The following PPM1E variants were observed in gnomAD, a reference collection of about 807,000 sequenced individuals.
PPM1E encodes the protein protein phosphatase 1E.
In PPM1E, 20 loss-of-function variants were observed where a neutral mutation model predicts 65.9. That is an observed-to-expected ratio of 0.30 (90% CI 0.21 to 0.44). The LOEUF (loss-of-function observed/expected upper bound fraction) is 0.44. PPM1E is among the 20% of genes least tolerant of loss of function. PPM1E has a pLI of 1.00. For missense variants in PPM1E, 713 were observed against 953.1 expected, an observed-to-expected ratio of 0.75 and a Z score of 3.32; for synonymous variants, 352 against 374.9, an observed-to-expected ratio of 0.94 and a Z score of 0.70.
intron 1 of PPM1E, among the ~76,000 whole-genome samples, chr17:58,926,179 A>G (rs1009247868): frequency 3.3e-5 from 5 of 152,006 alleles, no homozygotes; most frequent in Non-Finnish European, 5.9e-5. Flanking sequence ...TGTCTCTACT[A>G]AAAATACAAA....
chr17:58,781,330 G>A lies in PPM1E; in HGVS notation c.464+24869G>A, dbSNP rs144857696. ...TAATTTTTGTATTTCTAGTAGAGAC[G>A]GGGTTTTGCCACATTGGCCAAGCTG... On this transcript the variant is annotated intron_variant, in intron 1 of 6. Transcript: ENST00000308249. 3.2e-4 allele frequency among the ~76,000 whole-genome samples: 49 copies of A among 151,678 alleles called. 3 individuals carry two copies. In the East Asian group the frequency reaches 8.6e-3, roughly 27 times the overall value.
At chr17:58,816,322 C>A (rs1387014699) in intron 1 of PPM1E, among the ~76,000 whole-genome samples, 1 of 151,990 alleles carries the variant, frequency 6.6e-6, no homozygotes, top group Non-Finnish European at 1.5e-5. Context: ...CTACACCCAG[C>A]CTGTATGTAA....
intron 1 of PPM1E, among the ~76,000 whole-genome samples, chr17:58,852,857 C>T (rs529867326): frequency 6.6e-6 from 1 of 152,274 alleles, no homozygotes; most frequent in South Asian, 2.1e-4. Flanking sequence ...CTACCTTGGC[C>T]TTCCAAAGTG....
At chr17:58,955,323 C>T (rs2029868787) in intron 1 of PPM1E, among the ~76,000 whole-genome samples, 1 of 152,166 alleles carries the variant, frequency 6.6e-6, no homozygotes, top group Admixed American at 6.5e-5. Context: ...CCAAATCACG[C>T]CATTGCACTC....
At chr17:58,765,958 G>T (rs1235940669) in intron 1 of PPM1E, among the ~76,000 whole-genome samples, 1 of 146,646 alleles carries the variant, frequency 6.8e-6, no homozygotes, top group Non-Finnish European at 1.5e-5. Flanking sequence ...TCGGCGCACT[G>T]CAACCTCCGC....
At chr17:58,962,343 A>G (rs560738079) in intron 2 of PPM1E, among the ~76,000 whole-genome samples, 3 of 152,242 alleles carry the variant, frequency 2.0e-5, no homozygotes, top group Non-Finnish European at 4.4e-5. Context: ...GTACTTGACA[A>G]TGCAGATCTA....
chr17:58,781,157 T>C (rs1434059192), intron 1 of PPM1E, among the ~76,000 whole-genome samples: 1 of 150,692 alleles, frequency 6.6e-6, no homozygotes, highest in Non-Finnish European at 1.5e-5. Context: ...TTTTTTTTTT[T>C]TGAAACGGAG....
intron 1 of PPM1E, among the ~76,000 whole-genome samples, chr17:58,891,545 G>A (rs146697387): frequency 6.6e-4 from 100 of 151,244 alleles, no homozygotes; most frequent in Middle Eastern, 3.4e-3. Context: ...GGCTGGTCTC[G>A]AACTCCTGAC....
chr17:58,854,487 T>G (rs2050861148), intron 1 of PPM1E, among the ~76,000 whole-genome samples: 1 of 152,244 alleles, frequency 6.6e-6, no homozygotes, highest in Non-Finnish European at 1.5e-5. Context: ...GCCTTGTTCC[T>G]GATCTTAGAG....
In PPM1E at chr17:58,972,031, T is replaced by C. The variant is rs976322037; in HGVS notation, c.973-101T>C. 7 of 1,126,066 alleles carry C rather than the reference T, an allele frequency of 6.2e-6. No individual in the cohort carries two copies. In the African/African-American group the frequency reaches 1.1e-4, roughly 18 times the overall value. The allele number at this position is 1,126,066 out of a possible 1,614,324, so 69.8% of individuals were successfully genotyped here. The stretch of plus-strand genomic sequence containing the variant: ...ATGTGTGAAATTCCATTATTAATAG[T>C]ATAGCTCCCAGCTGAAAAGCTTAAT... On this transcript the variant is annotated intron_variant, in intron 4 of 6. Transcript: ENST00000308249.
chr17:58,921,534 A>G (rs2051750474), intron 1 of PPM1E, among the ~76,000 whole-genome samples: 1 of 151,648 alleles, frequency 6.6e-6, no homozygotes, highest in African/African-American at 2.4e-5. Flanking sequence ...CAAACAAACA[A>G]ACAAACAAAA....
chr17:58,875,010 G>T (rs149143417), intron 1 of PPM1E, among the ~76,000 whole-genome samples: 1 of 151,920 alleles, frequency 6.6e-6, no homozygotes, highest in Non-Finnish European at 1.5e-5. Flanking sequence ...CATGAATTTG[G>T]TGTGTGTCCT....
chr17:58,945,181 G>A (rs1013273366), intron 1 of PPM1E, among the ~76,000 whole-genome samples: 1 of 145,800 alleles, frequency 6.9e-6, no homozygotes, highest in African/African-American at 2.6e-5. Flanking sequence ...GTCTCACTCT[G>A]TCATACAGAC....
intron 1 of PPM1E, among the ~76,000 whole-genome samples, chr17:58,912,808 A>G (rs577168195): frequency 6.6e-6 from 1 of 152,278 alleles, no homozygotes; most frequent in African/African-American, 2.4e-5. Flanking sequence ...GGAAAGGGAG[A>G]GGAGCTGAAG....
intron 1 of PPM1E, among the ~76,000 whole-genome samples, chr17:58,769,556 C>T (rs544766538): frequency 8.6e-5 from 13 of 151,962 alleles, no homozygotes; most frequent in Non-Finnish European, 1.8e-4. Context: ...GCGGAGGTTG[C>T]AGTGAATCAA....
chr17:58,891,058 C>T (rs2051338374), intron 1 of PPM1E, among the ~76,000 whole-genome samples: 1 of 152,074 alleles, frequency 6.6e-6, no homozygotes. Flanking sequence ...GCAACCTCTG[C>T]CTCACAGGTT....
Position 58,904,022 on chromosome 17 carries a change from C to T in PPM1E, c.465-51627C>T, listed in dbSNP as rs573095016. 1.3e-3 allele frequency among the ~76,000 whole-genome samples: 196 copies of T among 151,980 alleles called. 1 individual carries two copies. The highest frequency in any genetic ancestry group is 4.2e-3 in the African/African-American group (174 of 41,450). The stretch of plus-strand genomic sequence containing the variant: ...AATTTGAAATAATTTCAAAAAGAGC[C>T]AGAAATTATTATTGAGATCTATACT... On this transcript the variant is annotated intron_variant, in intron 1 of 6. Transcript: ENST00000308249.
chr17:58,931,891 A>G (rs1333930545), intron 1 of PPM1E, among the ~76,000 whole-genome samples: 3 of 152,228 alleles, frequency 2.0e-5, no homozygotes, highest in Non-Finnish European at 4.4e-5. Context: ...TTATGTGAGC[A>G]TGCAATCCAT....
Position 58,889,983 on chromosome 17 carries a change from G to A in PPM1E, c.465-65666G>A, listed in dbSNP as rs117494185. 8.5e-5 allele frequency among the ~76,000 whole-genome samples: 13 copies of A among 152,310 alleles called. No individual in the cohort carries two copies. The East Asian group carries it at 2.3e-3, about 27-fold the overall frequency. ...CTATAAATAAATTGTAGTCGAAGAA[G>A]CATGTTAATTAGTAAATAAACACAC... On this transcript the variant is annotated intron_variant, in intron 1 of 6. Coordinates refer to ENST00000308249, the MANE Select transcript of PPM1E (RefSeq NM_014906.5).
Sources: allele counts gnomAD v4.1 joint callset (sites outside exome capture counted in the v4.1 genomes callset), GRCh38; gene constraint gnomAD v4.1.1; transcripts MANE v1.5; gene names NCBI Gene and HGNC (gene_info 2026-07-23, HGNC 2026-07-21).